SLC4A10: variants seen among roughly 807,000 people sequenced by gnomAD.
The protein encoded by SLC4A10 is solute carrier family 4 member 10, also known as sodium-driven chloride bicarbonate exchanger.
In SLC4A10, 42 loss-of-function variants were observed where a neutral mutation model predicts 137.7. That is an observed-to-expected ratio of 0.30 (90% CI 0.24 to 0.39). The LOEUF (loss-of-function observed/expected upper bound fraction) is 0.39. Ranked by LOEUF, SLC4A10 falls within the 10% of genes least tolerant of loss-of-function variation. SLC4A10 has a pLI of 1.00. For missense variants in SLC4A10, 925 were observed against 1,355.0 expected (o/e 0.68, Z 4.98); for synonymous variants, 474 against 464.1 (o/e 1.02, Z -0.27).
chr2:161,657,172 A>C (rs1339240065), intron 1 of SLC4A10, among the ~76,000 whole-genome samples: 1 of 152,010 alleles, frequency 6.6e-6, no homozygotes, highest in Admixed American at 6.5e-5. Context: ...ATATATATGA[A>C]TATTGAGTAG....
At chr2:161,634,414 G>A (rs528883536) in intron 1 of SLC4A10, among the ~76,000 whole-genome samples, 90 of 151,848 alleles carry the variant, frequency 5.9e-4, no homozygotes, top group African/African-American at 1.8e-3. Context: ...GTTTCCCTTT[G>A]TAATAATATA....
At chr2:161,868,463 G>A (rs956656792) in intron 6 of SLC4A10, among the ~76,000 whole-genome samples, 1 of 151,354 alleles carries the variant, frequency 6.6e-6, no homozygotes, top group African/African-American at 2.4e-5. Flanking sequence ...TCCTATGCTA[G>A]CCCCATATCT....
chr2:161,922,207 G>A (rs1278176351), intron 15 of SLC4A10, among the ~76,000 whole-genome samples: 1 of 152,142 alleles, frequency 6.6e-6, no homozygotes. Context: ...ATAAATTTGA[G>A]ATGAGAAAAA....
intron 1 of SLC4A10, among the ~76,000 whole-genome samples, chr2:161,749,145 G>C (rs2048689469): frequency 6.6e-6 from 1 of 151,866 alleles, no homozygotes; most frequent in Non-Finnish European, 1.5e-5. Context: ...CTACTTTACT[G>C]ATTTCATTTA....
At chr2:161,791,313 G>C (rs1189807360) in intron 2 of SLC4A10, among the ~76,000 whole-genome samples, 1 of 152,146 alleles carries the variant, frequency 6.6e-6, no homozygotes, top group Admixed American at 6.6e-5. Context: ...CATGTCCTTT[G>C]CAGGGACCTG....
At chr2:161,959,320 A>G (rs1696207005) in intron 21 of SLC4A10, among the ~76,000 whole-genome samples, 1 of 152,250 alleles carries the variant, frequency 6.6e-6, no homozygotes, top group Admixed American at 6.5e-5. Flanking sequence ...TTGGTTAAAT[A>G]AATATTTTAG....
At chr2:161,725,955 C>T (rs1014940192) in intron 1 of SLC4A10, among the ~76,000 whole-genome samples, 14 of 152,204 alleles carry the variant, frequency 9.2e-5, no homozygotes, top group African/African-American at 3.4e-4. Context: ...CACATACTTG[C>T]ACGTCTTCTC....
intron 1 of SLC4A10, among the ~76,000 whole-genome samples, chr2:161,676,342 C>G (rs1371048145): frequency 2.5e-5 from 2 of 80,818 alleles, no homozygotes; most frequent in African/African-American, 1.0e-4. Context: ...AATGTGGATG[C>G]GCATGTTGAA....
At chr2:161,944,689 T>C (rs1224287829) in intron 16 of SLC4A10, among the ~76,000 whole-genome samples, 4 of 151,702 alleles carry the variant, frequency 2.6e-5, no homozygotes, top group Non-Finnish European at 5.9e-5. Flanking sequence ...AAAGCAGTTT[T>C]TGCAATGGAT....
At chr2:161,728,079 C>T (rs979420134) in intron 1 of SLC4A10, among the ~76,000 whole-genome samples, 1 of 152,096 alleles carries the variant, frequency 6.6e-6, no homozygotes, top group Non-Finnish European at 1.5e-5. Context: ...GTGAATATTA[C>T]TATAGACTCT....
rs1224670062 is a variant in SLC4A10, at chr2:161,979,786, C to A, written c.*26+2026C>A. ...AAGGTCTGAGTCCTGAGCTGGCACCCATGCAGCCTTTGACACCCCCCATTC... is the reference window on the plus strand; with the variant it reads ...AAGGTCTGAGTCCTGAGCTGGCACCAATGCAGCCTTTGACACCCCCCATTC... On this transcript the variant is annotated intron_variant, in intron 26 of 26. Transcript: ENST00000446997. Among the ~76,000 whole-genome samples, 3 of 152,190 alleles carry A rather than the reference C, an allele frequency of 2.0e-5. No individual in the cohort carries two copies. The South Asian group carries it at 6.2e-4, about 32-fold the overall frequency.
At chr2:161,972,032 G>T (rs1698622119) in intron 23 of SLC4A10, among the ~76,000 whole-genome samples, 1 of 152,120 alleles carries the variant, frequency 6.6e-6, no homozygotes, top group Non-Finnish European at 1.5e-5. Flanking sequence ...CTGCTGCCAG[G>T]TAACCTAAGC....
intron 15 of SLC4A10, among the ~76,000 whole-genome samples, chr2:161,930,796 A>G (rs570258406): frequency 1.7e-4 from 26 of 152,232 alleles, no homozygotes; most frequent in African/African-American, 6.0e-4. Context: ...AATTGTAGGT[A>G]AGATTAAGAA....
rs370963760 is a variant in SLC4A10, at chr2:161,726,216, T to C, written c.49-44757T>C. On this transcript the variant is annotated intron_variant, in intron 1 of 26. Transcript: ENST00000446997. ...GAAAAATAACAATTACAATGAATAA[T>C]AATAGTAAGAGTAACTATCAAATAA... 2.0e-5 allele frequency among the ~76,000 whole-genome samples: 3 copies of C among 152,216 alleles called. No homozygotes were observed. The South Asian group carries it at 6.2e-4, about 32-fold the overall frequency.
At chr2:161,824,484 G>A (rs2057878748) in intron 3 of SLC4A10, among the ~76,000 whole-genome samples, 1 of 152,162 alleles carries the variant, frequency 6.6e-6, no homozygotes, top group African/African-American at 2.4e-5. Flanking sequence ...TGTGAATATG[G>A]CGAAAAAGGT....
intron 3 of SLC4A10, among the ~76,000 whole-genome samples, chr2:161,816,415 C>A (rs562410067): frequency 6.6e-6 from 1 of 151,916 alleles, no homozygotes; most frequent in Admixed American, 6.6e-5. Flanking sequence ...CATTAGGGCC[C>A]AAATTATGAA....
At chr2:161,838,657 T>C (rs1212899997) in intron 3 of SLC4A10, among the ~76,000 whole-genome samples, 3 of 152,110 alleles carry the variant, frequency 2.0e-5, no homozygotes, top group Non-Finnish European at 4.4e-5. Context: ...CCAATAAAAA[T>C]AAGCAAAATG....
chr2:161,900,582 C>T (rs1363953540), intron 11 of SLC4A10, among the ~76,000 whole-genome samples: 3 of 152,004 alleles, frequency 2.0e-5, no homozygotes, highest in Non-Finnish European at 2.9e-5. Flanking sequence ...TCTTGCCCAC[C>T]TTTGCAGCTC....
rs559972387 is a variant in SLC4A10, at chr2:161,903,972, G to A, written c.1443-32G>A. On this transcript the variant is annotated intron_variant, in intron 12 of 26. Coordinates refer to ENST00000446997, the MANE Select transcript of SLC4A10 (RefSeq NM_001178015.2). ...TGACTTGTGTGTTTTTTATATTTGGGTTTCACTATTGTGTTTTCCCCCCTG... is the reference window on the plus strand; with the variant it reads ...TGACTTGTGTGTTTTTTATATTTGGATTTCACTATTGTGTTTTCCCCCCTG... 53 of 1,527,596 alleles carry A rather than the reference G, an allele frequency of 3.5e-5. 1 individual carries two copies. The African/African-American group carries it at 4.2e-4, about 12-fold the overall frequency. The allele number at this position is 1,527,596 out of a possible 1,614,324, so 94.6% of individuals were successfully genotyped here.
Sources: allele counts gnomAD v4.1 joint callset (sites outside exome capture counted in the v4.1 genomes callset), GRCh38; gene constraint gnomAD v4.1.1; transcripts MANE v1.5; gene names NCBI Gene and HGNC (gene_info 2026-07-23, HGNC 2026-07-21).